The following PCDHGB7 variants were observed in gnomAD, a reference collection of about 807,000 sequenced individuals.
PCDHGB7 encodes the protein protocadherin gamma subfamily B, 7.
In PCDHGB7, 37 loss-of-function variants were observed where a neutral mutation model predicts 61.4. The observed-to-expected ratio is 0.60, with a 90% confidence interval of 0.46 to 0.79. The LOEUF (loss-of-function observed/expected upper bound fraction) is 0.79, where lower values mean the gene tolerates loss of function less well. Among genes scored for constraint, PCDHGB7 ranks in the 30% least tolerant of loss-of-function variants. PCDHGB7 has a pLI of 0.00. For missense variants in PCDHGB7, 1,166 were observed against 1,202.5 expected, an observed-to-expected ratio of 0.97 and a Z score of 0.45; for synonymous variants, 464 against 503.5, an observed-to-expected ratio of 0.92 and a Z score of 1.05.
Position 141,476,540 on chromosome 5 carries a change from T to C in PCDHGB7, c.2416-18267T>C, listed in dbSNP as rs148362631. On this transcript the variant is annotated intron_variant, in intron 1 of 3. Coordinates refer to ENST00000398594, the MANE Select transcript of PCDHGB7 (RefSeq NM_018927.4). The surrounding 1 kb of genome is among the most constrained non-coding windows in gnomAD (Gnocchi z 7.6). Reference sequence around the variant, plus strand: ...TGCTTTCCCTACCCAGGAAATGAAATTGGAGATTAGCGAGGCCGTGGCTCC... The same window carrying C: ...TGCTTTCCCTACCCAGGAAATGAAACTGGAGATTAGCGAGGCCGTGGCTCC... 9.4e-5 allele frequency: 151 copies of C among 1,614,122 alleles called. 1 individual carries two copies. In the African/African-American group the frequency reaches 1.3e-3, roughly 14 times the overall value.
chr5:141,418,522 C>A lies in PCDHGB7; in HGVS notation c.663C>A (p.Pro221=). 1 of 1,614,000 alleles carries A rather than the reference C, an allele frequency of 6.2e-7. No individual in the cohort carries two copies. Among genetic ancestry groups the A allele is most frequent in the Non-Finnish European group, 8.5e-7 (1 of 1,179,898 alleles). Residue 221 remains proline, a synonymous_variant, in exon 1 of 4, where the codon CCC becomes CCA. Transcript: ENST00000398594. The part of the protein sequence containing the change: ...VLTALDGGDP[P]RSGTAQIRIL... ...CCGCCTTAGATGGTGGGGACCCTCC[C>A]CGAAGCGGTACTGCTCAGATAAGAA...
At chr5:141,508,604 A>G (rs2099870124) in intron 3 of PCDHGB7, among the ~76,000 whole-genome samples, 1 of 152,150 alleles carries the variant, frequency 6.6e-6, no homozygotes, top group African/African-American at 2.4e-5. Flanking sequence ...TCTTGGGTGC[A>G]CATAGGACGT....
At chr5:141,478,493 G>A in intron 1 of PCDHGB7, 1 of 1,613,176 alleles carries the variant, frequency 6.2e-7, no homozygotes, top group Non-Finnish European at 8.5e-7. Flanking sequence ...GCGGAGCTGT[G>A]ATCCGGTGTT....
intron 1 of PCDHGB7, among the ~76,000 whole-genome samples, chr5:141,460,703 G>A (rs1009662968): frequency 6.6e-6 from 1 of 151,534 alleles, no homozygotes; most frequent in Non-Finnish European, 1.5e-5. Flanking sequence ...AGTTGAATGA[G>A]AATAAACTAT....
rs115808055 is a variant in PCDHGB7 at position 141,476,782 on chromosome 5, A to G, written c.2416-18025A>G. Reference sequence around the variant, plus strand: ...TGACGGCGTTGGACGGAGGGACCCCAGCTCTCTCCGCCAGCCTGCCTATTC... The same window carrying G: ...TGACGGCGTTGGACGGAGGGACCCCGGCTCTCTCCGCCAGCCTGCCTATTC... On this transcript the variant is annotated intron_variant, in intron 1 of 3. Transcript: ENST00000398594. This position sits in a 1 kb window ranked among gnomAD's most constrained non-coding sequence, Gnocchi z 7.6. 18,517 of 1,613,566 alleles carry G rather than the reference A, an allele frequency of 0.011. 139 individuals are homozygous for G. Among genetic ancestry groups the G allele is most frequent in the Non-Finnish European group, 0.014 (16,976 of 1,179,996 alleles).
intron 1 of PCDHGB7, among the ~76,000 whole-genome samples, chr5:141,443,594 T>C (rs1040469046): frequency 1.3e-5 from 2 of 152,234 alleles, no homozygotes; most frequent in Non-Finnish European, 2.9e-5. Flanking sequence ...CAGAATGTGG[T>C]ATATGAAATG....
Position 141,489,680 on chromosome 5 carries a change from C to T in PCDHGB7, c.2416-5127C>T, listed in dbSNP as rs758765306. On this transcript the variant is annotated intron_variant, in intron 1 of 3. Coordinates refer to ENST00000398594, the MANE Select transcript of PCDHGB7 (RefSeq NM_018927.4). This position sits in a 1 kb window ranked among gnomAD's most constrained non-coding sequence, Gnocchi z 4.5. ...GAGATGCGCATCTCAGAATCAGCAG[C>T]ATCTGGGGCACGATTCCCACTGGAC... 2 of 1,614,070 alleles carry T rather than the reference C, an allele frequency of 1.2e-6. No individual in the cohort carries two copies. The highest frequency in any genetic ancestry group is 2.2e-5 in the East Asian group (1 of 44,886).
intron 1 of PCDHGB7, among the ~76,000 whole-genome samples, chr5:141,468,131 C>A (rs1006565854): frequency 1.3e-5 from 2 of 151,650 alleles, no homozygotes; most frequent in South Asian, 4.2e-4. Context: ...TTGAGACCAG[C>A]CTGGCCAACA....
rs2015825 is a variant in PCDHGB7, at chr5:141,418,063, G to T, written c.204G>T (p.Val68=). 0.46 allele frequency: 734,858 copies of T among 1,613,808 alleles called. 174,471 individuals are homozygous for T. The highest frequency in any genetic ancestry group is 0.8 in the African/African-American group (59,898 of 75,014). The change falls in exon 1 of 4, where the codon GTG becomes GTT. Residue 68 remains valine (V), a synonymous_variant. Coordinates refer to ENST00000398594, the MANE Select transcript of PCDHGB7 (RefSeq NM_018927.4). The part of the protein sequence containing the change: ...VLDVSARELR[V]SAEKLHFSVD... ...ATGTGTCGGCTCGCGAGCTGCGAGT[G>T]AGCGCGGAGAAGCTGCACTTCAGCG...
intron 1 of PCDHGB7, among the ~76,000 whole-genome samples, chr5:141,483,024 G>A (rs1210804345): frequency 6.6e-6 from 1 of 152,094 alleles, no homozygotes; most frequent in Non-Finnish European, 1.5e-5. Context: ...GGCAGAGGTT[G>A]CAATGAGCTG....
At chr5:141,430,915 G>A (rs565034370) in intron 1 of PCDHGB7, 2 of 1,607,738 alleles carry the variant, frequency 1.2e-6, no homozygotes, top group East Asian at 4.5e-5. Context: ...CCAGGGACCT[G>A]GGGCTGGAGC....
At position 141,418,009 on chromosome 5, in the gene PCDHGB7, C is replaced by G. The variant is rs780624400; in HGVS notation, c.150C>G (p.Leu50=). ...ELAKGSVVGN[L]AKDLGLSVLD... is the part of the protein sequence containing the mutation. ...CCAAGGGCTCGGTGGTGGGGAACCT[C>G]GCTAAGGATCTAGGGCTTAGTGTCC... The change falls in exon 1 of 4, where the codon CTC becomes CTG. Residue 50 remains leucine, a synonymous_variant. Transcript: ENST00000398594. 6.2e-7 allele frequency: 1 copy of G among 1,613,776 alleles called. No individual in the cohort carries two copies. The highest frequency in any genetic ancestry group is 1.3e-5 in the African/African-American group (1 of 74,922).
chr5:141,500,680 T>C (rs999167635), intron 2 of PCDHGB7, among the ~76,000 whole-genome samples: 7 of 152,224 alleles, frequency 4.6e-5, no homozygotes, highest in Non-Finnish European at 7.3e-5. Context: ...AACAGAATTA[T>C]AGCTTTTTTC....
chr5:141,432,173 GTC>G lies in PCDHGB7; in HGVS notation c.2415+11903_2415+11904del. 6.2e-7 allele frequency: 1 copy of G among 1,614,054 alleles called. No individual in the cohort carries two copies. Among genetic ancestry groups the G allele is most frequent in the Non-Finnish European group, 8.5e-7 (1 of 1,180,018 alleles). Reference sequence around the variant, plus strand: ...GAACAATCCCAGAGGAGTTTCCCTCGTCTCTGTGACCGCCCACGACCCCGACT... The same window carrying G: ...GAACAATCCCAGAGGAGTTTCCCTCGTCTGTGACCGCCCACGACCCCGACT... On this transcript the variant is annotated intron_variant, in intron 1 of 3. Coordinates refer to ENST00000398594, the MANE Select transcript of PCDHGB7 (RefSeq NM_018927.4). This position sits in a 1 kb window ranked among gnomAD's most constrained non-coding sequence, Gnocchi z 6.0.
At chr5:141,494,729 C>A in intron 1 of PCDHGB7, 78 bp from the exon 2 acceptor site, 1 of 1,610,166 alleles carries the variant, frequency 6.2e-7, no homozygotes. Context: ...CCTTCTCTCC[C>A]GGCCCATCCC....
At chr5:141,444,865 G>A (rs1038923777) in intron 1 of PCDHGB7, among the ~76,000 whole-genome samples, 1 of 152,098 alleles carries the variant, frequency 6.6e-6, no homozygotes, top group Non-Finnish European at 1.5e-5. Flanking sequence ...TCTTACTACA[G>A]GACAAAGCTT....
intron 1 of PCDHGB7, among the ~76,000 whole-genome samples, chr5:141,443,695 A>G (rs1324985529): frequency 1.3e-5 from 2 of 152,272 alleles, no homozygotes; most frequent in Non-Finnish European, 2.9e-5. Context: ...TTCAAAAATT[A>G]TAGAATAACA....
chr5:141,427,912 A>T (rs1268491054), intron 1 of PCDHGB7: 2 of 1,577,806 alleles, frequency 1.3e-6, no homozygotes, highest in Admixed American at 3.3e-5. Flanking sequence ...CTCAGCGCCA[A>T]CATGAGCCGG....
In PCDHGB7 at chr5:141,485,441, A is replaced by G. The variant is rs1562105312; in HGVS notation, c.2416-9366A>G. ...CGGAGCCCTGCTCATCAAGAACCCA[A>G]TCGACCGAGAGGCACTGTGTGGGCT... On this transcript the variant is annotated intron_variant, in intron 1 of 3. Transcript: ENST00000398594. The surrounding 1 kb of genome is among the most constrained non-coding windows in gnomAD (Gnocchi z 5.7). 3 of 1,613,910 alleles carry G rather than the reference A, an allele frequency of 1.9e-6. No homozygotes were observed. Among genetic ancestry groups the G allele is most frequent in the South Asian group, 1.1e-5 (1 of 91,062 alleles).
Sources: gnomAD v4.1 joint callset for allele counts (sites outside exome capture counted in the v4.1 genomes callset) on GRCh38, gnomAD v4.1.1 for gene constraint, Gnocchi (gnomAD v3.1) non-coding constraint, MANE v1.5 for transcripts, NCBI Gene and HGNC (gene_info 2026-07-23, HGNC 2026-07-21) for gene names.